Variants in ARSJ observed in about 807,000 individuals in gnomAD.
The protein encoded by ARSJ is arylsulfatase family member J, also known as arylsulfatase J.
Under a neutral mutation model 35.9 loss-of-function variants are expected in ARSJ, and 26 were observed. The observed-to-expected ratio is 0.72, with a 90% CI of 0.53 to 1.00. ARSJ has a LOEUF of 1.00. ARSJ is among the 50% of genes least tolerant of loss of function. ARSJ has a pLI of 0.00. For synonymous variants in ARSJ, 294 were observed against 267.6 expected, an observed-to-expected ratio of 1.10 and a Z score of -0.96; for missense variants, 667 against 723.6, an observed-to-expected ratio of 0.92 and a Z score of 0.90.
In ARSJ at chr4:113,902,092, C is replaced by G. The variant is rs185539426; in HGVS notation, c.*182G>C. On this transcript the variant is annotated 3_prime_UTR_variant, in exon 2 of 2. Coordinates refer to ENST00000315366, the MANE Select transcript of ARSJ (RefSeq NM_024590.4). ...GTGGCTTGCAAGAGTAGCACCTTGG[C>G]ACTGAGCAGGACAGTTTTCAGTGTG... 549 of 1,570,902 alleles carry G rather than the reference C, an allele frequency of 3.5e-4. 1 individual carries two copies. In the African/African-American group the frequency reaches 6.6e-3, roughly 19 times the overall value.
At chr4:113,961,912 TG>T (rs1726569935) in intron 1 of ARSJ, among the ~76,000 whole-genome samples, 1 of 38,640 alleles carries the variant, frequency 2.6e-5, no homozygotes, top group Non-Finnish European at 6.6e-5. Context: ...TGTGTGTGTG[TG>T]TGTGTGTGTG....
intron 1 of ARSJ, among the ~76,000 whole-genome samples, chr4:113,932,129 G>A (rs1299718731): frequency 1.3e-5 from 2 of 151,968 alleles, no homozygotes; most frequent in African/African-American, 2.4e-5. Flanking sequence ...AAATGTCACC[G>A]TGTAATGATA....
In ARSJ at chr4:113,903,416, A is replaced by G. The variant is rs773753007; in HGVS notation, c.658T>C (p.Tyr220His). 3.7e-6 allele frequency: 6 copies of G among 1,614,216 alleles called. No individual in the cohort carries two copies. The East Asian group carries it at 1.3e-4, about 36-fold the overall frequency. Reference sequence around the variant, plus strand: ...GCATTGTCGTTTTCATACAAGTCATAGCCACACATCCCAGGACTGTCACAT... The same window carrying G: ...GCATTGTCGTTTTCATACAAGTCATGGCCACACATCCCAGGACTGTCACAT... ...YKCDSPGMCG[Y>H]DLYENDNAAW... Residue 220 changes from tyrosine (Y) to histidine (H), a missense_variant, in exon 2 of 2, where the codon TAT (tyrosine) becomes CAT (histidine). Physicochemically the swap from Tyr to His is moderately conservative, Grantham distance 83 (BLOSUM62 2). Transcript: ENST00000315366.
intron 1 of ARSJ, among the ~76,000 whole-genome samples, chr4:113,964,140 T>C (rs1222414693): frequency 6.6e-6 from 1 of 152,096 alleles, no homozygotes; most frequent in Non-Finnish European, 1.5e-5. Context: ...CTTTTAGAGA[T>C]AAATAATGAC....
chr4:113,915,695 C>A, intron 1 of ARSJ, among the ~76,000 whole-genome samples: 1 of 152,086 alleles, frequency 6.6e-6, no homozygotes, highest in Non-Finnish European at 1.5e-5. Flanking sequence ...CTTGAAATAC[C>A]TCCAGGATGA....
At chr4:113,913,099 A>AT in intron 1 of ARSJ, among the ~76,000 whole-genome samples, 1 of 72,710 alleles carries the variant, frequency 1.4e-5, no homozygotes, top group South Asian at 4.8e-4. Flanking sequence ...AATCAGCTAA[A>AT]TAAATCTGTA....
At chr4:113,906,818 G>C in intron 1 of ARSJ, 4 of 445,246 alleles carry the variant, frequency 9.0e-6, no homozygotes, top group South Asian at 4.8e-5. Context: ...AGTAAGGAAG[G>C]TATATTTATT....
chr4:113,906,756 G>A (rs1480535623), intron 1 of ARSJ: 1 of 456,066 alleles, frequency 2.2e-6, no homozygotes, highest in Admixed American at 2.4e-5. Flanking sequence ...CTGTAAAATA[G>A]GGATAATAAT....
intron 1 of ARSJ, among the ~76,000 whole-genome samples, chr4:113,957,889 G>C (rs1207356421): frequency 6.6e-6 from 1 of 152,060 alleles, no homozygotes; most frequent in African/African-American, 2.4e-5. Flanking sequence ...CACCTTCTGA[G>C]ACCATCTTGT....
Position 113,902,392 on chromosome 4 carries a change from T to G in ARSJ, c.1682A>C (p.Lys561Thr). The G allele has an allele frequency of 1.9e-6, 3 of 1,613,990 alleles. No homozygotes were observed. The highest frequency in any genetic ancestry group is 2.5e-6 in the Non-Finnish European group (3 of 1,179,934). The change falls in exon 2 of 2, where the codon AAA (lysine) becomes ACA (threonine). Residue 561 changes from lysine (K) to threonine (T), a missense_variant. By Grantham distance (78) the Lys-to-Thr change is moderately conservative. Coordinates refer to ENST00000315366, the MANE Select transcript of ARSJ (RefSeq NM_024590.4). ...AGCCTGATTTTTGCTTGGCTTCTTT[T>G]TCTTGGTTTCCTCTTTATACCATGG... ...WGPWYKEETKKKKPSKNQAEK... is the reference protein window; with the variant it reads ...WGPWYKEETKTKKPSKNQAEK...
chr4:113,909,718 C>T (rs930523435), intron 1 of ARSJ, among the ~76,000 whole-genome samples: 3 of 152,124 alleles, frequency 2.0e-5, no homozygotes, highest in East Asian at 1.9e-4. Flanking sequence ...TCAATTAAAC[C>T]TCTTTTCTTT....
intron 1 of ARSJ, among the ~76,000 whole-genome samples, chr4:113,909,940 G>A (rs76006660): frequency 0.057 from 8,646 of 152,012 alleles, 327 homozygotes; most frequent in East Asian, 0.11. Context: ...CACAAACATC[G>A]ATTATATATT....
chr4:113,942,437 C>G (rs7679911), intron 1 of ARSJ, among the ~76,000 whole-genome samples: 55,036 of 151,810 alleles, frequency 0.36, 10,787 homozygotes, highest in African/African-American at 0.51. Flanking sequence ...TTCACAAACT[C>G]AAGTCACAAA....
intron 1 of ARSJ, among the ~76,000 whole-genome samples, chr4:113,905,963 A>C (rs7686086): frequency 0.036 from 5,417 of 152,146 alleles, 205 homozygotes; most frequent in East Asian, 0.21. Flanking sequence ...GTTCTTGATA[A>C]TTTTTGGTCC....
At chr4:113,927,062 C>G (rs1179846175) in intron 1 of ARSJ, among the ~76,000 whole-genome samples, 1 of 152,116 alleles carries the variant, frequency 6.6e-6, no homozygotes, top group Admixed American at 6.5e-5. Context: ...GTTCTGGACC[C>G]CACTCAAACT....
At chr4:113,947,381 G>A (rs1459187806) in intron 1 of ARSJ, among the ~76,000 whole-genome samples, 1 of 152,050 alleles carries the variant, frequency 6.6e-6, no homozygotes, top group Non-Finnish European at 1.5e-5. Flanking sequence ...TTGGGAGGTT[G>A]AGGCACGAGA....
chr4:113,944,289 G>A (rs1725339562), intron 1 of ARSJ: 1 of 152,004 alleles, frequency 6.6e-6, no homozygotes, highest in Non-Finnish European at 1.5e-5. Flanking sequence ...TGACATGTAG[G>A]ACTCCTGTTT....
chr4:113,929,298 G>T (rs1724276549), intron 1 of ARSJ, among the ~76,000 whole-genome samples: 1 of 152,130 alleles, frequency 6.6e-6, no homozygotes, highest in African/African-American at 2.4e-5. Flanking sequence ...ACAAACAGGG[G>T]TGTTGGGGTG....
At chr4:113,906,483 T>G (rs1235206232) in intron 1 of ARSJ, among the ~76,000 whole-genome samples, 2 of 152,238 alleles carry the variant, frequency 1.3e-5, no homozygotes, top group African/African-American at 4.8e-5. Flanking sequence ...GAAAGTAGAA[T>G]GGTTTTTAAA....
Sources: gnomAD v4.1 joint callset for allele counts (sites outside exome capture counted in the v4.1 genomes callset) on GRCh38, gnomAD v4.1.1 for gene constraint, MANE v1.5 for transcripts, NCBI Gene and HGNC (gene_info 2026-07-23, HGNC 2026-07-21) for gene names.